The following PLA2G4A variants were observed in gnomAD, a reference collection of about 807,000 sequenced individuals.
PLA2G4A encodes the protein phospholipase A2 group IVA, also known as cytosolic phospholipase A2.
Under a neutral mutation model 81.9 loss-of-function variants are expected in PLA2G4A, and 40 were observed. The observed-to-expected ratio is 0.49, with a 90% CI of 0.38 to 0.64. The LOEUF is 0.64. Among genes scored for constraint, PLA2G4A ranks in the 30% least tolerant of loss-of-function variants. PLA2G4A has a pLI of 0.00. For missense variants in PLA2G4A, 715 were observed against 905.1 expected, an observed-to-expected ratio of 0.79 and a Z score of 2.69; for synonymous variants, 302 against 296.9, an observed-to-expected ratio of 1.02 and a Z score of -0.18.
intron 5 of PLA2G4A, among the ~76,000 whole-genome samples, chr1:186,898,372 C>T (rs1654416754): frequency 6.6e-6 from 1 of 152,092 alleles, no homozygotes; most frequent in Admixed American, 6.6e-5. Context: ...CATGGGGTAT[C>T]TATTCATTGA....
At chr1:186,857,148 TAATTACATAA>T (rs1652597653) in intron 2 of PLA2G4A, among the ~76,000 whole-genome samples, 4 of 38,798 alleles carry the variant, frequency 1.0e-4, no homozygotes, top group African/African-American at 4.8e-4. Context: ...TATAATTATA[TAATTACATAA>T]TATAATATAA....
intron 7 of PLA2G4A, among the ~76,000 whole-genome samples, chr1:186,923,460 A>G (rs1655436602): frequency 1.3e-5 from 2 of 152,232 alleles, no homozygotes; most frequent in Non-Finnish European, 2.9e-5. Context: ...TAATTTATTG[A>G]GATACTGTGC....
chr1:186,985,760 GA>G (rs1433159503), intron 17 of PLA2G4A, among the ~76,000 whole-genome samples: 1 of 152,142 alleles, frequency 6.6e-6, no homozygotes, highest in Non-Finnish European at 1.5e-5. Context: ...TGAGGCTGGA[GA>G]AGGTTGAGAT....
At chr1:186,882,884 A>G (rs1267713051) in intron 3 of PLA2G4A, among the ~76,000 whole-genome samples, 4 of 152,120 alleles carry the variant, frequency 2.6e-5, no homozygotes, top group African/African-American at 9.7e-5. Context: ...GGATATTTGA[A>G]TCGTGAAGAA....
intron 3 of PLA2G4A, among the ~76,000 whole-genome samples, chr1:186,886,135 A>C (rs1653930412): frequency 6.6e-6 from 1 of 152,140 alleles, no homozygotes; most frequent in Non-Finnish European, 1.5e-5. Flanking sequence ...ATATTGAACA[A>C]AGTTCCAGGA....
intron 1 of PLA2G4A, among the ~76,000 whole-genome samples, chr1:186,833,181 G>C (rs1338266481): frequency 6.6e-6 from 1 of 152,136 alleles, no homozygotes; most frequent in Non-Finnish European, 1.5e-5. Context: ...TTGAGCCCAA[G>C]AGTTTGAGAC....
intron 5 of PLA2G4A, among the ~76,000 whole-genome samples, chr1:186,904,918 G>A (rs1385121876): frequency 3.3e-5 from 5 of 152,056 alleles, no homozygotes; most frequent in East Asian, 3.9e-4. Flanking sequence ...ACAGTGGCGC[G>A]ATCTCAGCTC....
chr1:186,870,348 A>G (rs1420801778), intron 2 of PLA2G4A, 87 bp from the exon 3 acceptor site: 1 of 804,548 alleles, frequency 1.2e-6, no homozygotes, highest in Non-Finnish European at 2.2e-6. Flanking sequence ...ACTTGTTTTT[A>G]AGTAGAATAT....
At chr1:186,976,924 C>T (rs560295642) in intron 15 of PLA2G4A, among the ~76,000 whole-genome samples, 8 of 152,166 alleles carry the variant, frequency 5.3e-5, no homozygotes, top group African/African-American at 9.6e-5. Context: ...CTCATTCTGG[C>T]GGGAATGTAT....
chr1:186,937,962 G>A (rs987695661), intron 8 of PLA2G4A, among the ~76,000 whole-genome samples: 32 of 152,126 alleles, frequency 2.1e-4, no homozygotes, highest in African/African-American at 7.7e-4. Flanking sequence ...TTCTCCCCTC[G>A]AAGGGACGAT....
intron 1 of PLA2G4A, among the ~76,000 whole-genome samples, chr1:186,829,265 C>T: frequency 6.6e-6 from 1 of 152,152 alleles, no homozygotes; most frequent in East Asian, 1.9e-4. Flanking sequence ...TCTAAATGCA[C>T]TGTGGAGTCA....
intron 7 of PLA2G4A, among the ~76,000 whole-genome samples, chr1:186,922,149 T>C (rs535013969): frequency 2.0e-5 from 3 of 152,260 alleles, no homozygotes; most frequent in South Asian, 4.1e-4. Flanking sequence ...CAAAAGACCA[T>C]GCTCACACCA....
chr1:186,971,637 T>C (rs1238700425), intron 15 of PLA2G4A, among the ~76,000 whole-genome samples: 1 of 152,142 alleles, frequency 6.6e-6, no homozygotes, highest in East Asian at 1.9e-4. Context: ...GTTGGAATAT[T>C]AAAAGTACCT....
intron 7 of PLA2G4A, among the ~76,000 whole-genome samples, chr1:186,932,548 G>T (rs533471064): frequency 6.6e-6 from 1 of 152,044 alleles, no homozygotes; most frequent in African/African-American, 2.4e-5. Context: ...TGATGCACCC[G>T]CCTCGGCCTC....
intron 10 of PLA2G4A, among the ~76,000 whole-genome samples, chr1:186,941,467 T>C (rs1656152737): frequency 1.3e-5 from 2 of 152,220 alleles, no homozygotes; most frequent in Non-Finnish European, 2.9e-5. Flanking sequence ...AACGCACTTA[T>C]CACATTTGCT....
At chr1:186,875,215 A>G (rs920678141) in intron 3 of PLA2G4A, among the ~76,000 whole-genome samples, 2 of 152,062 alleles carry the variant, frequency 1.3e-5, no homozygotes, top group South Asian at 4.1e-4. Flanking sequence ...CAGAGCAAAG[A>G]CTTTAAAAAT....
At chr1:186,843,443 C>T (rs1652058071) in intron 1 of PLA2G4A, among the ~76,000 whole-genome samples, 1 of 152,156 alleles carries the variant, frequency 6.6e-6, no homozygotes, top group Admixed American at 6.6e-5. Context: ...ATTCATCCTT[C>T]AGTCAATAGT....
At chr1:186,982,204 A>G (rs1174579888) in intron 17 of PLA2G4A, among the ~76,000 whole-genome samples, 1 of 152,198 alleles carries the variant, frequency 6.6e-6, no homozygotes, top group Non-Finnish European at 1.5e-5. Flanking sequence ...CTGTATCTCC[A>G]AGTCCTTTAG....
chr1:186,854,669 C>T (rs1652489495), intron 2 of PLA2G4A, among the ~76,000 whole-genome samples: 1 of 151,846 alleles, frequency 6.6e-6, no homozygotes, highest in Non-Finnish European at 1.5e-5. Context: ...TATCACTTAG[C>T]AATCATCAGC....
Sources: gnomAD v4.1 joint callset for allele counts (sites outside exome capture counted in the v4.1 genomes callset) on GRCh38, gnomAD v4.1.1 for gene constraint, MANE v1.5 for transcripts, NCBI Gene and HGNC (gene_info 2026-07-23, HGNC 2026-07-21) for gene names.